The following GPHN variants were observed in gnomAD, a reference collection of about 807,000 sequenced individuals.
The protein encoded by GPHN is gephyrin.
In GPHN, 17 loss-of-function variants were observed where a neutral mutation model predicts 95.5. The observed-to-expected ratio is 0.18, with a 90% confidence interval of 0.12 to 0.27. The LOEUF is 0.27. GPHN is among the 10% of genes least tolerant of loss of function. The pLI is 1.00. For synonymous variants in GPHN, 320 were observed against 322.5 expected, an observed-to-expected ratio of 0.99 and a Z score of 0.08; for missense variants, 660 against 978.1, an observed-to-expected ratio of 0.67 and a Z score of 4.34.
the GPHN span, among the ~76,000 whole-genome samples, chr14:67,226,371 T>C: frequency 2.0e-5 from 3 of 151,240 alleles, no homozygotes; most frequent in Admixed American, 1.3e-4. Context: ...TTTTTTGTTT[T>C]GTTTTTTTGA....
the GPHN span, among the ~76,000 whole-genome samples, chr14:67,611,426 TG>T: frequency 4.8e-3 from 731 of 151,418 alleles, 35 homozygotes; most frequent in East Asian, 0.079. Flanking sequence ...GCTAATTTTT[TG>T]GTTTTTTTTT....
the GPHN span, chr14:67,304,100 A>G: frequency 6.5e-6 from 1 of 153,490 alleles, no homozygotes; most frequent in South Asian, 2.0e-4. Flanking sequence ...AAAAGTAGAA[A>G]ATAATTTCAG....
the GPHN span, among the ~76,000 whole-genome samples, chr14:67,459,434 C>T: frequency 6.6e-6 from 1 of 152,220 alleles, no homozygotes; most frequent in Non-Finnish European, 1.5e-5. Flanking sequence ...CTTGTTTTCT[C>T]TATTCACTAT....
the GPHN span, among the ~76,000 whole-genome samples, chr14:67,582,661 T>A: frequency 2.1e-5 from 3 of 142,640 alleles, no homozygotes; most frequent in African/African-American, 5.2e-5. This position sits in a 1 kb window ranked among gnomAD's most constrained non-coding sequence, Gnocchi z 5.0. Context: ...TGAAAAAAAA[T>A]AAAATAAAAT....
At chr14:67,571,952 C>T in the GPHN span, 7 of 1,558,768 alleles carry the variant, frequency 4.5e-6, no homozygotes, top group Non-Finnish European at 6.1e-6. Flanking sequence ...GAGCCCCTCA[C>T]CTCTTCCCAT....
At chr14:66,584,998 G>A (rs1194177862) in intron 1 of GPHN, among the ~76,000 whole-genome samples, 1 of 152,122 alleles carries the variant, frequency 6.6e-6, no homozygotes, top group Non-Finnish European at 1.5e-5. Flanking sequence ...GTGGAATTTG[G>A]CTGTGAATCC....
chr14:66,760,572 A>G (rs1211098921), intron 2 of GPHN: 2 of 370,086 alleles, frequency 5.4e-6, no homozygotes, highest in African/African-American at 4.3e-5. Flanking sequence ...GGGCCCATCT[A>G]CCCTGGCCAC....
At chr14:67,286,996 T>G in the GPHN span, among the ~76,000 whole-genome samples, 2 of 152,076 alleles carry the variant, frequency 1.3e-5, no homozygotes, top group East Asian at 1.9e-4. Flanking sequence ...GGTGGGTGGA[T>G]CACTTGAGTC....
the GPHN span, among the ~76,000 whole-genome samples, chr14:67,259,398 G>A: frequency 6.6e-6 from 1 of 151,854 alleles, no homozygotes. Flanking sequence ...ATCACTTGAG[G>A]TTAGGACTTT....
intron 4 of GPHN, among the ~76,000 whole-genome samples, chr14:66,837,657 A>G (rs2061905007): frequency 6.7e-6 from 1 of 148,886 alleles, no homozygotes; most frequent in Non-Finnish European, 1.5e-5. Context: ...AAATAAATAA[A>G]AAGACTGTTA....
rs543444910 is a variant in GPHN, at chr14:66,785,820, A to T, written c.201+9299A>T. 2.0e-5 allele frequency among the ~76,000 whole-genome samples: 3 copies of T among 152,144 alleles called. No homozygotes were observed. The South Asian group carries it at 6.2e-4, about 32-fold the overall frequency. On this transcript the variant is annotated intron_variant, in intron 3 of 22. Transcript: ENST00000478722. ...ATACTCTAGTAAATAATCAAATAAG[A>T]TGTCTCAAATGAAATTTTAAAAATT...
chr14:66,896,713 T>C (rs2064869226), intron 5 of GPHN, among the ~76,000 whole-genome samples: 1 of 151,956 alleles, frequency 6.6e-6, no homozygotes, highest in Admixed American at 6.6e-5. Context: ...ACTAAAAGGA[T>C]GGACGGAGTA....
chr14:67,575,469 C>A, the GPHN span: 2 of 1,592,368 alleles, frequency 1.3e-6, no homozygotes, highest in Non-Finnish European at 1.7e-6. Flanking sequence ...GCCATGAGGA[C>A]AAGGTACTTC....
At chr14:67,383,683 C>CT in the GPHN span, 2 of 429,526 alleles carry the variant, frequency 4.7e-6, no homozygotes, top group Non-Finnish European at 4.3e-6. Flanking sequence ...AGAGACAAAT[C>CT]TTTAAGAATA....
the GPHN span, among the ~76,000 whole-genome samples, chr14:67,193,339 T>TATATA: frequency 3.7e-5 from 5 of 135,622 alleles, no homozygotes; most frequent in African/African-American, 1.3e-4. Context: ...TCTATATAGA[T>TATATA]ATCTATCTAT....
At chr14:66,934,989 A>T (rs1252678597) in intron 8 of GPHN, among the ~76,000 whole-genome samples, 2 of 148,562 alleles carry the variant, frequency 1.3e-5, no homozygotes, top group Non-Finnish European at 3.0e-5. Flanking sequence ...ATATTTCAGT[A>T]AAAAAACCTG....
chr14:66,931,359 G>A (rs1395049636), intron 8 of GPHN, among the ~76,000 whole-genome samples: 1 of 152,050 alleles, frequency 6.6e-6, no homozygotes. Flanking sequence ...TTAGTGTTCT[G>A]TAGCCTTCGT....
At chr14:66,763,472 T>C (rs2058837538) in intron 2 of GPHN, among the ~76,000 whole-genome samples, 1 of 144,152 alleles carries the variant, frequency 6.9e-6, no homozygotes, top group Non-Finnish European at 1.5e-5. Flanking sequence ...TTCCCACCTA[T>C]GAGTGAGAAT....
At chr14:67,216,637 A>G in the GPHN span, among the ~76,000 whole-genome samples, 2 of 152,042 alleles carry the variant, frequency 1.3e-5, no homozygotes, top group African/African-American at 2.4e-5. Flanking sequence ...TTTAAATAGC[A>G]TCCTTCATTT....
Sources: allele counts gnomAD v4.1 joint callset (sites outside exome capture counted in the v4.1 genomes callset), GRCh38; gene constraint gnomAD v4.1.1; non-coding constraint Gnocchi (gnomAD v3.1); transcripts MANE v1.5; gene names NCBI Gene and HGNC (gene_info 2026-07-23, HGNC 2026-07-21).